Variants in PCDHA2 observed in about 807,000 individuals in gnomAD.
PCDHA2 encodes the protein protocadherin alpha 2, also known as protocadherin alpha-2.
A neutral mutation model predicts 66.0 loss-of-function variants in PCDHA2; 58 were observed. The observed-to-expected ratio is 0.88, with a 90% CI of 0.71 to 1.09. The LOEUF (loss-of-function observed/expected upper bound fraction) is 1.09. Ranked by LOEUF, PCDHA2 falls within the 50% of genes least tolerant of loss-of-function variation. The pLI is 0.00. For synonymous variants in PCDHA2, 634 were observed against 554.0 expected (o/e 1.14, Z -2.03); for missense variants, 1,267 against 1,242.3 (o/e 1.02, Z -0.30).
chr5:140,920,908 T>G (rs1333150217), intron 1 of PCDHA2, among the ~76,000 whole-genome samples: 1 of 151,136 alleles, frequency 6.6e-6, no homozygotes, highest in Non-Finnish European at 1.5e-5. Context: ...GGTTCTCAAA[T>G]CAGTTCCAAG....
intron 1 of PCDHA2, among the ~76,000 whole-genome samples, chr5:140,952,230 A>C (rs1177331328): frequency 6.6e-6 from 1 of 151,960 alleles, no homozygotes; most frequent in African/African-American, 2.4e-5. Flanking sequence ...ACAGTGTGCA[A>C]GCTGCTTAGA....
At chr5:140,875,546 AGGTGGGGAGCG>A in intron 1 of PCDHA2, 1 of 1,614,002 alleles carries the variant, frequency 6.2e-7, no homozygotes, top group Non-Finnish European at 8.5e-7. Context: ...GCAGCCTGGG[AGGTGGGGAGCG>A]GCCAGCTCCA....
intron 1 of PCDHA2, chr5:140,806,914 A>T: frequency 2.0e-6 from 1 of 491,334 alleles, no homozygotes; most frequent in Non-Finnish European, 3.6e-6. Context: ...CGACTGAAAT[A>T]ATAAATAAAA....
rs2150461572 is a variant in PCDHA2 at position 140,849,985 on chromosome 5, G to T, written c.2388+52633G>T. On this transcript the variant is annotated intron_variant, in intron 1 of 3. Transcript: ENST00000526136. Reference sequence around the variant, plus strand: ...CTGGTGTCCTACTCGCTGGTGGAGCGGCGGTTGGGCGAGCGCTCGCTGTCG... The same window carrying T: ...CTGGTGTCCTACTCGCTGGTGGAGCTGCGGTTGGGCGAGCGCTCGCTGTCG... 32 of 1,597,274 alleles carry T rather than the reference G, an allele frequency of 2.0e-5. No homozygotes were observed. In the East Asian group the frequency reaches 2.2e-4, roughly 11 times the overall value.
At chr5:140,868,882 T>G in intron 1 of PCDHA2, 1 of 715,192 alleles carries the variant, frequency 1.4e-6, no homozygotes, top group Non-Finnish European at 2.2e-6. Context: ...GTACTCACAG[T>G]TTTAGGCGCA....
intron 1 of PCDHA2, chr5:140,842,474 G>C: frequency 6.2e-7 from 1 of 1,613,946 alleles, no homozygotes; most frequent in Middle Eastern, 1.6e-4. Flanking sequence ...CAACGGGCAG[G>C]TGACCTGCTC....
intron 1 of PCDHA2, chr5:140,850,311 T>G: frequency 1.9e-6 from 3 of 1,597,000 alleles, no homozygotes; most frequent in Non-Finnish European, 2.6e-6. Context: ...CTACAACGCG[T>G]GGCTTTCATA....
At chr5:140,928,309 G>C in intron 1 of PCDHA2, 1 of 1,614,124 alleles carries the variant, frequency 6.2e-7, no homozygotes, top group Non-Finnish European at 8.5e-7. Flanking sequence ...CCAGGACCCC[G>C]ACCTGGGGAA....
chr5:140,928,081 C>G lies in PCDHA2; in HGVS notation c.2389-50868C>G, dbSNP rs782268064. On this transcript the variant is annotated intron_variant, in intron 1 of 3. Coordinates refer to ENST00000526136, the MANE Select transcript of PCDHA2 (RefSeq NM_018905.3). ...GGCTTCCTTTGACAACTACTACAGC[C>G]TGCTGATTGATGGGCCCCTGGACCG... is the stretch of plus-strand genomic sequence containing the variant. 6.2e-6 allele frequency: 10 copies of G among 1,614,090 alleles called. 1 individual carries two copies. In the South Asian group the frequency reaches 6.6e-5, roughly 11 times the overall value.
At chr5:140,869,304 G>A (rs1554162871) in intron 1 of PCDHA2, 3 of 1,613,648 alleles carry the variant, frequency 1.9e-6, no homozygotes, top group South Asian at 1.1e-5. Context: ...TCCGGGTGGC[G>A]TCCAAAACAC....
At chr5:140,978,887 A>C (rs1367734690) in intron 1 of PCDHA2, 62 bp from the exon 2 acceptor site, 14 of 1,611,648 alleles carry the variant, frequency 8.7e-6, no homozygotes, top group Admixed American at 1.7e-5. Flanking sequence ...ATCAATTAGC[A>C]GCATTCCTGG....
At chr5:140,901,828 A>G (rs538492227) in intron 1 of PCDHA2, among the ~76,000 whole-genome samples, 1 of 152,318 alleles carries the variant, frequency 6.6e-6, no homozygotes, top group African/African-American at 2.4e-5. Flanking sequence ...CTTCCAGTCC[A>G]TAAACATGCA....
intron 1 of PCDHA2, chr5:140,967,112 C>G: frequency 6.2e-7 from 1 of 1,612,994 alleles, no homozygotes; most frequent in Non-Finnish European, 8.5e-7. Context: ...GCAGCGGCCT[C>G]GCTGCCTGCT....
At chr5:140,802,322 C>G in intron 1 of PCDHA2, 2 of 1,614,220 alleles carry the variant, frequency 1.2e-6, no homozygotes, top group South Asian at 1.1e-5. Flanking sequence ...TCAGCGTGTC[C>G]GACCGCGACT....
chr5:140,838,115 TG>T (rs1554136890), intron 1 of PCDHA2, among the ~76,000 whole-genome samples: 5 of 149,894 alleles, frequency 3.3e-5, no homozygotes, highest in Non-Finnish European at 7.4e-5. Context: ...TGTGTGTGTG[TG>T]TGTGTGTGTG....
intron 1 of PCDHA2, among the ~76,000 whole-genome samples, chr5:140,806,741 C>T (rs1763776091): frequency 6.6e-6 from 1 of 152,124 alleles, no homozygotes; most frequent in Non-Finnish European, 1.5e-5. Flanking sequence ...TACATGTTTA[C>T]AAAGTGTATA....
intron 3 of PCDHA2, among the ~76,000 whole-genome samples, chr5:140,998,105 A>G (rs1554256162): frequency 6.6e-6 from 1 of 152,204 alleles, no homozygotes; most frequent in African/African-American, 2.4e-5. Context: ...CAAACAGAGG[A>G]GAAAATTTAC....
rs151249575 is a variant in PCDHA2, at chr5:140,920,220, T to TTATA, written c.2389-58728_2389-58725dup. 8.8e-3 allele frequency among the ~76,000 whole-genome samples: 1,344 copies of TTATA among 152,322 alleles called. 13 individuals carry two copies. The highest frequency in any genetic ancestry group is 0.031 in the African/African-American group (1,300 of 41,558). On this transcript the variant is annotated intron_variant, in intron 1 of 3. Coordinates refer to ENST00000526136, the MANE Select transcript of PCDHA2 (RefSeq NM_018905.3). ...GCAGCCACAGAAAACCAATGCACAT[T>TTATA]TATAGTATTATATACCCAACAATAC...
intron 1 of PCDHA2, among the ~76,000 whole-genome samples, chr5:140,954,068 G>A (rs1404063517): frequency 6.6e-6 from 1 of 152,174 alleles, no homozygotes; most frequent in South Asian, 2.1e-4. Context: ...TTATGCTGAG[G>A]ATAATGGCTT....
Sources: allele counts gnomAD v4.1 joint callset (sites outside exome capture counted in the v4.1 genomes callset), GRCh38; gene constraint gnomAD v4.1.1; transcripts MANE v1.5; gene names NCBI Gene and HGNC (gene_info 2026-07-23, HGNC 2026-07-21).